The following MOV10L1 variants were observed in gnomAD, a reference collection of about 807,000 sequenced individuals.
The protein encoded by MOV10L1 is Mov10 like RNA helicase 1.
A neutral mutation model predicts 143.8 loss-of-function variants in MOV10L1; 110 were observed. The observed-to-expected ratio is 0.76, with a 90% CI of 0.66 to 0.90. MOV10L1 has a LOEUF of 0.90. Among genes scored for constraint, MOV10L1 ranks in the 40% least tolerant of loss-of-function variants. The probability of loss-of-function intolerance (pLI) is 0.00; values close to 1 mark genes in which losing one functional copy is unlikely to be tolerated. For synonymous variants in MOV10L1, 593 were observed against 581.1 expected (o/e 1.02, Z -0.29); for missense variants, 1,406 against 1,526.8 (o/e 0.92, Z 1.32).
Position 50,153,117 on chromosome 22 carries a change from A to G in MOV10L1, c.2965A>G (p.Arg989Gly), listed in dbSNP as rs529208457. 2 of 1,613,792 alleles carry G rather than the reference A, an allele frequency of 1.2e-6. No homozygotes were observed. Among genetic ancestry groups the G allele is most frequent in the South Asian group, 1.1e-5 (1 of 91,074 alleles). ...LMLPSRLFYH[R>G]ELEVCADPTV... The stretch of plus-strand genomic sequence containing the variant: ...GCTGCCCTCACGGCTGTTCTACCAC[A>G]GGGAACTCGAGGTCTGTGCGGACCC... Residue 989 changes from arginine to glycine, a missense_variant, in exon 22 of 27, where the codon AGG becomes GGG. Physicochemically the swap from Arg to Gly is moderately radical, Grantham distance 125. Coordinates refer to ENST00000262794, the MANE Select transcript of MOV10L1 (RefSeq NM_018995.3).
rs147990432 is a variant in MOV10L1 at position 50,150,890 on chromosome 22, T to C, written c.2883T>C (p.Asn961=). ...CTTTCGGTGCTTGTGGCGCACATAATCCCCTGTTGGTGAGTCACAGACTCC... is the reference window on the plus strand; with the variant it reads ...CTTTCGGTGCTTGTGGCGCACATAACCCCCTGTTGGTGAGTCACAGACTCC... The part of the protein sequence containing the change: ...ENAFGACGAH[N]PLLVTKLVKN... Residue 961 remains asparagine, a synonymous_variant, in exon 21 of 27, where the codon AAT becomes AAC. Transcript: ENST00000262794. 44 of 1,613,980 alleles carry C rather than the reference T, an allele frequency of 2.7e-5. No homozygotes were observed. The African/African-American group carries it at 5.1e-4, about 19-fold the overall frequency.
intron 3 of MOV10L1, among the ~76,000 whole-genome samples, chr22:50,099,934 A>G (rs2062695108): frequency 6.6e-6 from 1 of 152,038 alleles, no homozygotes; most frequent in African/African-American, 2.4e-5. Flanking sequence ...AGGCTCTTGG[A>G]TATTGAGTGG....
chr22:50,128,528 T>C, intron 13 of MOV10L1, 21 bp downstream of exon 13: 1 of 1,141,204 alleles, frequency 8.8e-7, no homozygotes. Context: ...TAGTGAGTCT[T>C]CTTTCAAATG....
Position 50,159,613 on chromosome 22 carries a change from AG to A in MOV10L1, c.3217-63del. The stretch of plus-strand genomic sequence containing the variant: ...TAATACTCCATCTCAAAAAAAAAAA[AG>A]GAAAAGAAAAGAAATGGATTTGTAC... On this transcript the variant is annotated intron_variant, in intron 23 of 26. Transcript: ENST00000262794. This position sits in a 1 kb window ranked among gnomAD's most constrained non-coding sequence, Gnocchi z 4.1. 1.8e-6 allele frequency: 2 copies of A among 1,133,422 alleles called. No individual in the cohort carries two copies. The highest frequency in any genetic ancestry group is 1.4e-5 in the South Asian group (1 of 68,980). The allele number at this position is 1,133,422 out of a possible 1,614,324, so 70.2% of individuals were successfully genotyped here. A position where few individuals can be genotyped will look rare whatever the true frequency, so the allele number is the denominator to read the frequency against.
Position 50,161,530 on chromosome 22 carries a change from C to A in MOV10L1, c.*81C>A. 1 of 1,382,108 alleles carries A rather than the reference C, an allele frequency of 7.2e-7. No individual in the cohort carries two copies. Among genetic ancestry groups the A allele is most frequent in the Non-Finnish European group, 9.9e-7 (1 of 1,011,934 alleles). The allele number at this position is 1,382,108 out of a possible 1,614,324, so 85.6% of individuals were successfully genotyped here. On this transcript the variant is annotated 3_prime_UTR_variant, in exon 27 of 27. Coordinates refer to ENST00000262794, the MANE Select transcript of MOV10L1 (RefSeq NM_018995.3). ...ACAGTCTGCTCCGTGGCTCCTGTGG[C>A]CTGCCCTTGTCTCGCAGCCAGGCAG...
intron 18 of MOV10L1, among the ~76,000 whole-genome samples, chr22:50,144,896 T>TTGCTG (rs1299431824): frequency 2.6e-4 from 40 of 152,130 alleles, no homozygotes; most frequent in Middle Eastern, 6.8e-3. Flanking sequence ...TGGTTTTAAG[T>TTGCTG]ATTCCTTTAA....
At chr22:50,108,029 T>C in intron 3 of MOV10L1, 107 bp from the exon 4 acceptor site, 1 of 981,500 alleles carries the variant, frequency 1.0e-6, no homozygotes, top group Non-Finnish European at 1.5e-6. Context: ...GCCTTTTAAA[T>C]GTTCAAATGT....
In MOV10L1 at chr22:50,153,174, A is replaced by G; in HGVS notation, c.3022A>G (p.Lys1008Glu). 6.2e-7 allele frequency: 1 copy of G among 1,613,846 alleles called. No individual in the cohort carries two copies. Among genetic ancestry groups the G allele is most frequent in the Non-Finnish European group, 8.5e-7 (1 of 1,179,820 alleles). The change falls in exon 22 of 27, where the codon AAG becomes GAG. Residue 1008 changes from lysine (K) to glutamate (E), a missense_variant. Around this residue, in one of 3 missense-constraint regions of MOV10L1, gnomAD observed 1,233 missense variants for 1,351.4 expected, o/e 0.91. Transcript: ENST00000262794. ...GGTGACCTCCTTGCTGGGCTGGGAG[A>G]AGTTGCCTAAGAAAGGCTTCCCTCT... ...TVVTSLLGWE[K>E]LPKKGFPLIF...
At chr22:50,099,915 T>G (rs536330808) in intron 3 of MOV10L1, among the ~76,000 whole-genome samples, 20 of 152,206 alleles carry the variant, frequency 1.3e-4, no homozygotes, top group Admixed American at 3.9e-4. Context: ...AGGTGCTGGC[T>G]TCACACAGAG....
chr22:50,155,269 T>C (rs2063396431), intron 22 of MOV10L1, among the ~76,000 whole-genome samples: 1 of 151,022 alleles, frequency 6.6e-6, no homozygotes, highest in Non-Finnish European at 1.5e-5. Flanking sequence ...GTGGGTTTTT[T>C]TTTTTTTTTG....
intron 2 of MOV10L1, chr22:50,093,514 T>C (rs2062508183): frequency 6.6e-6 from 1 of 152,000 alleles, no homozygotes; most frequent in South Asian, 2.1e-4. Context: ...TTAGAATTTT[T>C]TTTTCAATTT....
At chr22:50,134,346 G>C (rs1221820268) in intron 14 of MOV10L1, among the ~76,000 whole-genome samples, 184 bp from the exon 15 acceptor site, 1 of 151,940 alleles carries the variant, frequency 6.6e-6, no homozygotes, top group Non-Finnish European at 1.5e-5. Context: ...GGCAAATAAA[G>C]GGCTTTGTTG....
In MOV10L1 at chr22:50,134,876, C is replaced by T. The variant is rs765441409; in HGVS notation, c.2070+246C>T. ...TTAAAATAAAGTGAACTAAAATATT[C>T]AAAAATAGATTTAGTGTAAAGTTTA... On this transcript the variant is annotated intron_variant, in intron 15 of 26. Transcript: ENST00000262794. Among the ~76,000 whole-genome samples, 14 of 152,240 alleles carry T rather than the reference C, an allele frequency of 9.2e-5. No individual in the cohort carries two copies. In the South Asian group the frequency reaches 2.9e-3, roughly 32 times the overall value.
chr22:50,156,791 G>A (rs1258999615), intron 22 of MOV10L1, among the ~76,000 whole-genome samples: 3 of 152,232 alleles, frequency 2.0e-5, no homozygotes, highest in East Asian at 1.9e-4. Context: ...CACTTGGGCT[G>A]CAGACATTTG....
intron 26 of MOV10L1, 56 bp from the exon 27 acceptor site, chr22:50,161,312 C>T (rs945735607): frequency 1.4e-5 from 20 of 1,420,452 alleles, no homozygotes; most frequent in Non-Finnish European, 1.7e-5. Flanking sequence ...GAGTGCAGCT[C>T]CCAGCCCGCT....
rs538103518 is a variant in MOV10L1 at position 50,159,169 on chromosome 22, G to C, written c.3217-509G>C. On this transcript the variant is annotated intron_variant, in intron 23 of 26. Coordinates refer to ENST00000262794, the MANE Select transcript of MOV10L1 (RefSeq NM_018995.3). The surrounding 1 kb of genome is among the most constrained non-coding windows in gnomAD (Gnocchi z 4.1). ...ACATGAAACTTGGCTTTCCTAGTAA[G>C]CATTGTCCCCCGTCCCCAGTTTAAC... The C allele has an allele frequency of 1.3e-5, 2 of 152,186 alleles. No individual in the cohort carries two copies. Among genetic ancestry groups the C allele is most frequent in the Non-Finnish European group, 2.9e-5 (2 of 68,068 alleles). The allele number at this position is 152,186 out of a possible 1,614,324, so 9.4% of individuals were successfully genotyped here. A position where few individuals can be genotyped will look rare whatever the true frequency, so the allele number is the denominator to read the frequency against.
rs1294021509 is a variant in MOV10L1 at position 50,152,693 on chromosome 22, GCT to G, written c.2893-348_2893-347del. Among the ~76,000 whole-genome samples the G allele has an allele frequency of 6.6e-6, 1 of 152,134 alleles. No homozygotes were observed. Among genetic ancestry groups the G allele is most frequent in the Non-Finnish European group, 1.5e-5 (1 of 68,018 alleles). On this transcript the variant is annotated intron_variant, in intron 21 of 26. Coordinates refer to ENST00000262794, the MANE Select transcript of MOV10L1 (RefSeq NM_018995.3). This position sits in a 1 kb window ranked among gnomAD's most constrained non-coding sequence, Gnocchi z 4.4. ...AACAAGATGCTGTTTCCAGGGTGAA[GCT>G]CTCAGCACACGAGGGAGGCATCCAC...
At chr22:50,111,608 A>C (rs2062023839) in intron 5 of MOV10L1, among the ~76,000 whole-genome samples, 1 of 142,876 alleles carries the variant, frequency 7.0e-6, no homozygotes, top group Admixed American at 7.6e-5. Context: ...GGTTCACGCC[A>C]TTCACCCACC....
At chr22:50,116,177 G>C (rs924282951) in intron 8 of MOV10L1, among the ~76,000 whole-genome samples, 3 of 150,862 alleles carry the variant, frequency 2.0e-5, no homozygotes, top group African/African-American at 7.3e-5. Context: ...TGTGTGAGGT[G>C]CAGCCAGCTT....
Sources: allele counts gnomAD v4.1 joint callset (sites outside exome capture counted in the v4.1 genomes callset), GRCh38; gene constraint gnomAD v4.1.1; regional missense constraint gnomAD v4.1.1; non-coding constraint Gnocchi (gnomAD v3.1); transcripts MANE v1.5; gene names NCBI Gene and HGNC (gene_info 2026-07-23, HGNC 2026-07-21).